ZNF282: variants seen among roughly 807,000 people sequenced by gnomAD.
The protein encoded by ZNF282 is zinc finger protein 282.
Under a neutral mutation model 61.9 loss-of-function variants are expected in ZNF282, and 30 were observed. That is an observed-to-expected ratio of 0.48 (90% CI 0.36 to 0.66). The LOEUF (loss-of-function observed/expected upper bound fraction) is 0.66. Ranked by LOEUF, ZNF282 falls within the 30% of genes least tolerant of loss-of-function variation. The pLI is 0.00. For missense variants in ZNF282, 788 were observed against 941.4 expected (o/e 0.84, Z 2.13); for synonymous variants, 396 against 405.0 (o/e 0.98, Z 0.27).
At chr7:149,222,819 C>T (rs907816278) in intron 7 of ZNF282, among the ~76,000 whole-genome samples, 13 of 150,296 alleles carry the variant, frequency 8.6e-5, no homozygotes, top group Non-Finnish European at 1.9e-4. Context: ...AGCTAATTTT[C>T]GTATTTTTAG....
chr7:149,206,508 T>G, intron 2 of ZNF282, 188 bp from the exon 3 acceptor site: 1 of 765,120 alleles, frequency 1.3e-6, no homozygotes, highest in South Asian at 1.9e-5. Flanking sequence ...ACCATCCGTG[T>G]TATTGAAAGC....
chr7:149,211,815 G>A (rs1346203883), intron 5 of ZNF282, among the ~76,000 whole-genome samples: 2 of 152,132 alleles, frequency 1.3e-5, no homozygotes, highest in Non-Finnish European at 2.9e-5. Flanking sequence ...GATCTTTAAG[G>A]AGATCTTTAA....
intron 7 of ZNF282, 69 bp from the exon 8 acceptor site, chr7:149,223,743 C>T (rs977528519): frequency 2.2e-6 from 3 of 1,385,748 alleles, no homozygotes; most frequent in South Asian, 1.7e-5. Flanking sequence ...CCTGGGCCCC[C>T]CTTCGGGAGC....
intron 5 of ZNF282, 103 bp from the exon 6 acceptor site, chr7:149,212,255 G>C (rs934960988): frequency 5.4e-6 from 4 of 741,834 alleles, no homozygotes; most frequent in Non-Finnish European, 8.8e-6. Flanking sequence ...TGATGTTTAG[G>C]GGAAAGAGAT....
At chr7:149,218,516 A>G (rs1286368836) in intron 7 of ZNF282, among the ~76,000 whole-genome samples, 1 of 152,152 alleles carries the variant, frequency 6.6e-6, no homozygotes, top group Non-Finnish European at 1.5e-5. Context: ...TTGAGGTGAC[A>G]CTCAAGTAGC....
At position 149,205,059 on chromosome 7, in the gene ZNF282, C is replaced by T. The variant is rs542337556; in HGVS notation, c.586-1637C>T. Among the ~76,000 whole-genome samples the T allele has an allele frequency of 1.6e-4, 24 of 151,900 alleles. 1 individual carries two copies. The highest frequency in any genetic ancestry group is 5.1e-4 in the African/African-American group (21 of 41,416). Reference sequence around the variant, plus strand: ...AGGGGAATTGCTTGAAACTGGGAGGCGGAGGTTGCAGTGAGCCAAGACTGT... The same window carrying T: ...AGGGGAATTGCTTGAAACTGGGAGGTGGAGGTTGCAGTGAGCCAAGACTGT... On this transcript the variant is annotated intron_variant, in intron 2 of 7. Coordinates refer to ENST00000610704, the MANE Select transcript of ZNF282 (RefSeq NM_003575.4).
At chr7:149,219,714 G>A (rs980547271) in intron 7 of ZNF282, among the ~76,000 whole-genome samples, 1 of 152,132 alleles carries the variant, frequency 6.6e-6, no homozygotes, top group African/African-American at 2.4e-5. Flanking sequence ...AGGCATGGTG[G>A]CAGGCATCTG....
intron 1 of ZNF282, among the ~76,000 whole-genome samples, chr7:149,197,885 G>A (rs904630671): frequency 6.6e-6 from 1 of 152,242 alleles, no homozygotes; most frequent in Non-Finnish European, 1.5e-5. Context: ...CTTTAAGGCA[G>A]AGATCATCAT....
At chr7:149,196,648 A>G (rs1795822044) in intron 1 of ZNF282, among the ~76,000 whole-genome samples, 1 of 151,910 alleles carries the variant, frequency 6.6e-6, no homozygotes. Flanking sequence ...GTGTTTGATC[A>G]TTTTCAGGGT....
intron 5 of ZNF282, among the ~76,000 whole-genome samples, chr7:149,212,002 A>C (rs740130): frequency 6.6e-6 from 1 of 152,160 alleles, no homozygotes; most frequent in Non-Finnish European, 1.5e-5. Context: ...TATATAATTT[A>C]AAAAAAGAGG....
At chr7:149,223,630 C>G (rs1585578990) in intron 7 of ZNF282, among the ~76,000 whole-genome samples, 182 bp from the exon 8 acceptor site, 1 of 152,200 alleles carries the variant, frequency 6.6e-6, no homozygotes, top group African/African-American at 2.4e-5. Context: ...CTGGGCTCCA[C>G]AGCAGGGTGG....
chr7:149,215,637 G>A (rs564174417), intron 7 of ZNF282, among the ~76,000 whole-genome samples: 31 of 152,348 alleles, frequency 2.0e-4, no homozygotes, highest in Admixed American at 1.8e-3. Context: ...AAGAGCCAGT[G>A]TGGGCCTGGA....
chr7:149,214,260 A>G (rs896825392), intron 7 of ZNF282, among the ~76,000 whole-genome samples: 1 of 152,006 alleles, frequency 6.6e-6, no homozygotes, highest in Non-Finnish European at 1.5e-5. Context: ...GTCTGTCCTC[A>G]CATGCCATCT....
chr7:149,223,830 T>C lies in ZNF282; in HGVS notation c.1199T>C (p.Val400Ala). ...TCCCCAGGTGACAGCCTGCTGATGG[T>C]GAAGAACCCACCCCCGGCCCCGCCA... ...DSGPSDSLLM[V>A]KNPPPAPPQP... The change falls in exon 8 of 8, where the codon GTG becomes GCG. Residue 400 changes from valine (V) to alanine (A), a missense_variant. This residue lies in a region of ZNF282 where 559 missense variants were observed against 642.0 expected (regional missense o/e 0.87). Coordinates refer to ENST00000610704, the MANE Select transcript of ZNF282 (RefSeq NM_003575.4). 6.8e-7 allele frequency: 1 copy of C among 1,473,256 alleles called. No individual in the cohort carries two copies. Among genetic ancestry groups the C allele is most frequent in the Non-Finnish European group, 8.9e-7 (1 of 1,118,576 alleles). 91.3% of individuals were successfully genotyped at this position (1,473,256 alleles called of 1,614,324 possible).
intron 2 of ZNF282, among the ~76,000 whole-genome samples, chr7:149,200,101 AT>A (rs1795885172): frequency 6.6e-6 from 1 of 151,992 alleles, no homozygotes; most frequent in African/African-American, 2.4e-5. Context: ...TCTTCCATCT[AT>A]TATTTTTCCT....
At chr7:149,211,607 T>C (rs1430549773) in intron 5 of ZNF282, among the ~76,000 whole-genome samples, 1 of 152,224 alleles carries the variant, frequency 6.6e-6, no homozygotes, top group Admixed American at 6.5e-5. Context: ...CCGAGCCAAG[T>C]TGACACATAA....
rs145050816 is a variant in ZNF282, at chr7:149,202,642, G to A, written c.585+3890G>A. On this transcript the variant is annotated intron_variant, in intron 2 of 7. Coordinates refer to ENST00000610704, the MANE Select transcript of ZNF282 (RefSeq NM_003575.4). Reference sequence around the variant, plus strand: ...TTTTTGTATTTTTTAGTAGAGACAGGGTTTCACCATGTTGTCCAGGCTGGT... The same window carrying A: ...TTTTTGTATTTTTTAGTAGAGACAGAGTTTCACCATGTTGTCCAGGCTGGT... Among the ~76,000 whole-genome samples the A allele has an allele frequency of 7.7e-3, 1,164 of 152,038 alleles. 14 individuals carry two copies. The highest frequency in any genetic ancestry group is 0.026 in the African/African-American group (1,095 of 41,452).
At position 149,225,244 on chromosome 7, in the gene ZNF282, G is replaced by A. The variant is rs1796350174; in HGVS notation, c.*597G>A. Reference sequence around the variant, plus strand: ...ACGGTTCACCCAATCACACGGGAAGGGGCGCGCGCTGCCCAACCGCGCTCT... The same window carrying A: ...ACGGTTCACCCAATCACACGGGAAGAGGCGCGCGCTGCCCAACCGCGCTCT... On this transcript the variant is annotated 3_prime_UTR_variant, in exon 8 of 8. Coordinates refer to ENST00000610704, the MANE Select transcript of ZNF282 (RefSeq NM_003575.4). 6.5e-6 allele frequency: 1 copy of A among 154,288 alleles called. No homozygotes were observed. Among genetic ancestry groups the A allele is most frequent in the Non-Finnish European group, 1.4e-5 (1 of 69,266 alleles). 9.6% of individuals were successfully genotyped at this position (154,288 alleles called of 1,614,324 possible).
rs145143210 is a variant in ZNF282, at chr7:149,224,591, G to A, written c.1960G>A (p.Gly654Ser). ...SLKDHLRVHS[G>S]GPGPGAPRQL... ...CAAGGACCACCTGCGCGTGCACAGC[G>A]GCGGCCCGGGCCCCGGCGCCCCACG... Residue 654 changes from glycine (G) to serine (S), a missense_variant, in exon 8 of 8, where the codon GGC becomes AGC. This residue lies in a region of ZNF282 where 559 missense variants were observed against 642.0 expected (regional missense o/e 0.87). Transcript: ENST00000610704. The A allele has an allele frequency of 1.3e-6, 2 of 1,575,794 alleles. No individual in the cohort carries two copies. Among genetic ancestry groups the A allele is most frequent in the Non-Finnish European group, 8.6e-7 (1 of 1,165,354 alleles).
Sources: gnomAD v4.1 joint callset for allele counts (sites outside exome capture counted in the v4.1 genomes callset) on GRCh38, gnomAD v4.1.1 for gene constraint, gnomAD v4.1.1 regional missense constraint, MANE v1.5 for transcripts, NCBI Gene and HGNC (gene_info 2026-07-23, HGNC 2026-07-21) for gene names.